OSBPL1A: variants seen among roughly 807,000 people sequenced by gnomAD.
OSBPL1A encodes oxysterol-binding protein-related protein 1.
In OSBPL1A, 80 loss-of-function variants were observed where a neutral mutation model predicts 137.1. That is an observed-to-expected ratio of 0.58 (90% CI 0.49 to 0.70). The LOEUF is 0.70. Among genes scored for constraint, OSBPL1A ranks in the 30% least tolerant of loss-of-function variants. The pLI is 0.00. For synonymous variants in OSBPL1A, 365 were observed against 389.7 expected (o/e 0.94, Z 0.75); for missense variants, 970 against 1,129.4 (o/e 0.86, Z 2.02).
intron 15 of OSBPL1A, chr18:24,272,283 C>T: frequency 1.0e-6 from 1 of 982,922 alleles, no homozygotes; most frequent in Non-Finnish European, 1.2e-6. Flanking sequence ...CCAACCCGCC[C>T]CTTGGGAAAC....
At chr18:24,390,659 T>TGC in intron 1 of OSBPL1A, among the ~76,000 whole-genome samples, 1 of 119,942 alleles carries the variant, frequency 8.3e-6, no homozygotes, top group Non-Finnish European at 1.6e-5. Context: ...CGTGCTACTC[T>TGC]ACTTCAGCCT....
intron 4 of OSBPL1A, among the ~76,000 whole-genome samples, chr18:24,352,584 C>G (rs866654074): frequency 6.6e-6 from 1 of 152,024 alleles, no homozygotes; most frequent in East Asian, 1.9e-4. Flanking sequence ...TCATATGGAA[C>G]GAAAAAAGAG....
chr18:24,227,684 A>G (rs1454643813), intron 16 of OSBPL1A, among the ~76,000 whole-genome samples: 1 of 152,000 alleles, frequency 6.6e-6, no homozygotes, highest in Non-Finnish European at 1.5e-5. Flanking sequence ...GAGGTGAGAG[A>G]GGTGCTCCAG....
intron 1 of OSBPL1A, among the ~76,000 whole-genome samples, chr18:24,393,211 A>C (rs535273905): frequency 3.2e-3 from 485 of 152,230 alleles, no homozygotes; most frequent in African/African-American, 0.011. Context: ...ACATGTGCAT[A>C]GATACACATA....
At position 24,224,894 on chromosome 18, in the gene OSBPL1A, G is replaced by A. The variant is rs1329595823; in HGVS notation, c.1601+148C>T. 7.0e-6 allele frequency: 7 copies of A among 995,640 alleles called. No homozygotes were observed. The African/African-American group carries it at 8.2e-5, about 12-fold the overall frequency. 61.7% of individuals were successfully genotyped at this position (995,640 alleles called of 1,614,324 possible). A position where few individuals can be genotyped will look rare whatever the true frequency, so the allele number is the denominator to read the frequency against. ...CTCTTAAATGGACAGAGGAAAAAGT[G>A]CTTAAGTTAAATGCTTTCTTTGAGG... On this transcript the variant is annotated intron_variant, in intron 17 of 27. Transcript: ENST00000319481.
At chr18:24,349,657 A>G (rs1238965054) in intron 4 of OSBPL1A, among the ~76,000 whole-genome samples, 1 of 151,156 alleles carries the variant, frequency 6.6e-6, no homozygotes. Context: ...GAGTAAGTCC[A>G]GATATGGCTG....
chr18:24,356,111 G>T (rs901960670), intron 4 of OSBPL1A, among the ~76,000 whole-genome samples: 4 of 152,128 alleles, frequency 2.6e-5, no homozygotes, highest in Non-Finnish European at 5.9e-5. Context: ...GGGAGGCAGA[G>T]GTTGCAGTGA....
Position 24,239,402 on chromosome 18 carries a change from C to T in OSBPL1A, c.1282-20G>A, listed in dbSNP as rs773337496. On this transcript the variant is annotated intron_variant, in intron 15 of 27. Transcript: ENST00000319481. ...CCTCACCTAGAAGAAAACAGATATA[C>T]AGAAAAGACTTCAGAGTGACAGGAG... 8 of 1,606,786 alleles carry T rather than the reference C, an allele frequency of 5.0e-6. No individual in the cohort carries two copies. In the African/African-American group the frequency reaches 8.0e-5, roughly 16 times the overall value.
At chr18:24,230,986 G>A (rs1361426230) in intron 16 of OSBPL1A, among the ~76,000 whole-genome samples, 1 of 152,158 alleles carries the variant, frequency 6.6e-6, no homozygotes, top group Admixed American at 6.5e-5. Flanking sequence ...GTGCAGTGGT[G>A]TGCACCTGTA....
chr18:24,329,517 T>C (rs1193897131), intron 7 of OSBPL1A, among the ~76,000 whole-genome samples: 1 of 140,062 alleles, frequency 7.1e-6, no homozygotes, highest in Non-Finnish European at 1.5e-5. Flanking sequence ...GCCACTGCAC[T>C]CCAACCTGGG....
At chr18:24,294,529 C>CGGTCCAATATGTAGATTTTAATT (rs2090255195) in intron 14 of OSBPL1A, among the ~76,000 whole-genome samples, 1 of 152,124 alleles carries the variant, frequency 6.6e-6, no homozygotes. Context: ...CCACTGTGCC[C>CGGTCCAATATGTAGATTTTAATT]GGTCCAATAT....
chr18:24,203,502 C>T (rs2087278973), intron 17 of OSBPL1A, among the ~76,000 whole-genome samples: 1 of 152,166 alleles, frequency 6.6e-6, no homozygotes, highest in African/African-American at 2.4e-5. Context: ...CCCTTCACAT[C>T]GACAGACACA....
intron 15 of OSBPL1A, among the ~76,000 whole-genome samples, chr18:24,240,497 C>T (rs1306879027): frequency 2.6e-5 from 4 of 152,062 alleles, no homozygotes; most frequent in Non-Finnish European, 5.9e-5. Context: ...ATCAGTAGTC[C>T]GGAAATCACT....
intron 18 of OSBPL1A, among the ~76,000 whole-genome samples, chr18:24,192,051 C>G (rs2086902856): frequency 6.6e-6 from 1 of 152,174 alleles, no homozygotes; most frequent in African/African-American, 2.4e-5. Flanking sequence ...AGTCGGTATT[C>G]CTGATGTACC....
intron 17 of OSBPL1A, among the ~76,000 whole-genome samples, chr18:24,198,919 A>G (rs1338043127): frequency 6.7e-6 from 1 of 149,390 alleles, no homozygotes; most frequent in Non-Finnish European, 1.5e-5. Flanking sequence ...GTGCAGTGGT[A>G]TGATCTCGAC....
At chr18:24,167,652 C>T (rs370864074) in intron 24 of OSBPL1A, among the ~76,000 whole-genome samples, 1 of 152,122 alleles carries the variant, frequency 6.6e-6, no homozygotes, top group South Asian at 2.1e-4. Context: ...TACTCAGTAA[C>T]GGTGTTAGGA....
At chr18:24,275,454 G>A (rs914885184) in intron 15 of OSBPL1A, among the ~76,000 whole-genome samples, 1 of 152,180 alleles carries the variant, frequency 6.6e-6, no homozygotes, top group African/African-American at 2.4e-5. Flanking sequence ...CAGAAGGCCA[G>A]AGACGGGTGC....
chr18:24,374,894 G>T (rs1464876590), intron 2 of OSBPL1A, among the ~76,000 whole-genome samples: 13 of 152,076 alleles, frequency 8.5e-5, no homozygotes. Context: ...CCAAAGCCAA[G>T]TCATAGATTC....
intron 15 of OSBPL1A, among the ~76,000 whole-genome samples, chr18:24,252,557 G>A (rs932294571): frequency 6.6e-6 from 1 of 151,944 alleles, no homozygotes; most frequent in Non-Finnish European, 1.5e-5. Context: ...AACACCAGAC[G>A]TGTCCTACAA....
Sources: allele counts gnomAD v4.1 joint callset (sites outside exome capture counted in the v4.1 genomes callset), GRCh38; gene constraint gnomAD v4.1.1; transcripts MANE v1.5; gene names NCBI Gene and HGNC (gene_info 2026-07-23, HGNC 2026-07-21).